The following SDK1 variants were observed in gnomAD, a reference collection of about 807,000 sequenced individuals.
The protein encoded by SDK1 is protein sidekick-1.
A neutral mutation model predicts 245.5 loss-of-function variants in SDK1; 157 were observed. That is an observed-to-expected ratio of 0.64 (90% CI 0.56 to 0.73). The LOEUF (loss-of-function observed/expected upper bound fraction) is 0.73, where lower values mean the gene tolerates loss of function less well. Among genes scored for constraint, SDK1 ranks in the 30% least tolerant of loss-of-function variants. The pLI is 0.00. For synonymous variants in SDK1, 1,647 were observed against 1,278.5 expected (o/e 1.29, Z -6.15); for missense variants, 3,583 against 3,002.3 (o/e 1.19, Z -4.52).
chr7:3,480,022 A>G (rs753142838), intron 1 of SDK1, among the ~76,000 whole-genome samples: 5 of 152,182 alleles, frequency 3.3e-5, no homozygotes, highest in African/African-American at 4.8e-5. Context: ...AAAGATGTCT[A>G]CATCCCAATC....
intron 14 of SDK1, among the ~76,000 whole-genome samples, chr7:4,007,358 C>G (rs1197989619): frequency 6.6e-6 from 1 of 152,016 alleles, no homozygotes; most frequent in Non-Finnish European, 1.5e-5. Flanking sequence ...AGAGGGGGAC[C>G]CAGGTAGCCC....
At chr7:3,453,962 C>T (rs900373469) in intron 1 of SDK1, among the ~76,000 whole-genome samples, 3 of 151,966 alleles carry the variant, frequency 2.0e-5, no homozygotes, top group Admixed American at 6.6e-5. Context: ...ATACAATGTA[C>T]GACTGGTTTT....
chr7:4,000,525 C>A (rs1453309251), intron 14 of SDK1, among the ~76,000 whole-genome samples: 1 of 152,096 alleles, frequency 6.6e-6, no homozygotes, highest in Non-Finnish European at 1.5e-5. Flanking sequence ...TTGGTTCTTC[C>A]CCTGCCACAG....
chr7:3,975,961 AGGGT>A (rs1782920755), intron 13 of SDK1, among the ~76,000 whole-genome samples: 1 of 128,988 alleles, frequency 7.8e-6, no homozygotes, highest in African/African-American at 2.9e-5. Context: ...TGCCACGCAG[AGGGT>A]CCTCCAGAGA....
chr7:4,079,320 C>G, intron 21 of SDK1, 143 bp from the exon 22 acceptor site: 1 of 1,057,480 alleles, frequency 9.5e-7, no homozygotes, highest in Non-Finnish European at 1.4e-6. Flanking sequence ...TGCTGCTTCT[C>G]ACCTTCATGG....
chr7:3,822,557 G>A (rs527480046), intron 5 of SDK1, among the ~76,000 whole-genome samples: 1 of 152,032 alleles, frequency 6.6e-6, no homozygotes, highest in African/African-American at 2.4e-5. Context: ...ATTACTTGAG[G>A]TCAAGAGTTC....
chr7:3,485,011 A>G (rs1781639044), intron 1 of SDK1, among the ~76,000 whole-genome samples: 1 of 152,160 alleles, frequency 6.6e-6, no homozygotes, highest in African/African-American at 2.4e-5. Context: ...TCTTTTGGGT[A>G]TATACCCAGC....
At chr7:4,241,059 T>C (rs552476881) in intron 42 of SDK1, among the ~76,000 whole-genome samples, 2 of 152,352 alleles carry the variant, frequency 1.3e-5, no homozygotes, top group South Asian at 4.1e-4. Flanking sequence ...AACTTTATTT[T>C]TATTCATTTG....
intron 4 of SDK1, among the ~76,000 whole-genome samples, chr7:3,644,026 C>A (rs1329020368): frequency 6.6e-6 from 1 of 151,250 alleles, no homozygotes; most frequent in Non-Finnish European, 1.5e-5. Flanking sequence ...CCTCAGCCTC[C>A]TGAGTAGCTG....
intron 18 of SDK1, among the ~76,000 whole-genome samples, chr7:4,050,288 T>C (rs1789352441): frequency 6.6e-6 from 1 of 152,234 alleles, no homozygotes; most frequent in Non-Finnish European, 1.5e-5. Context: ...ACTAAAACAC[T>C]GATTTGTCTG....
At chr7:3,607,946 G>T (rs1242606785) in intron 1 of SDK1, among the ~76,000 whole-genome samples, 2 of 152,244 alleles carry the variant, frequency 1.3e-5, no homozygotes, top group Non-Finnish European at 2.9e-5. Flanking sequence ...GAGCCCCTTT[G>T]CAGGGGGCGG....
intron 2 of SDK1, among the ~76,000 whole-genome samples, chr7:3,626,759 A>G (rs569210342): frequency 3.3e-5 from 5 of 152,260 alleles, no homozygotes; most frequent in African/African-American, 9.6e-5. Flanking sequence ...GAAGTTCACA[A>G]AGTGAGTAGG....
chr7:3,430,492 T>C (rs1342171075), intron 1 of SDK1, among the ~76,000 whole-genome samples: 3 of 152,188 alleles, frequency 2.0e-5, no homozygotes, highest in Non-Finnish European at 2.9e-5. Context: ...CTCTGTGACC[T>C]AGAGGTCACT....
chr7:3,616,932 A>T (rs1008365146), intron 1 of SDK1, among the ~76,000 whole-genome samples: 3 of 152,200 alleles, frequency 2.0e-5, no homozygotes, highest in African/African-American at 2.4e-5. Flanking sequence ...AATTTTCCGT[A>T]TTAAGGAAAT....
intron 4 of SDK1, among the ~76,000 whole-genome samples, chr7:3,806,279 C>G (rs1048267944): frequency 2.9e-5 from 4 of 139,096 alleles, no homozygotes; most frequent in Non-Finnish European, 6.5e-5. Context: ...TAACGTATCT[C>G]TAGGATGTGG....
chr7:3,305,354 G>A (rs1404872), intron 1 of SDK1, among the ~76,000 whole-genome samples: 23,157 of 152,010 alleles, frequency 0.15, 2,775 homozygotes, highest in African/African-American at 0.33. Context: ...TTTAATCCTC[G>A]TGTTGGTTAA....
At chr7:3,739,077 T>G (rs1040146107) in intron 4 of SDK1, among the ~76,000 whole-genome samples, 1 of 152,204 alleles carries the variant, frequency 6.6e-6, no homozygotes, top group African/African-American at 2.4e-5. Flanking sequence ...TAGCTAATCC[T>G]TGGTTGACTG....
At chr7:3,554,795 C>T (rs1326670937) in intron 1 of SDK1, among the ~76,000 whole-genome samples, 2 of 151,958 alleles carry the variant, frequency 1.3e-5, no homozygotes, top group African/African-American at 2.4e-5. Context: ...ATGCCAAAAA[C>T]AAACAATCTG....
chr7:4,015,939 A>G (rs1255829612), intron 16 of SDK1, among the ~76,000 whole-genome samples: 5 of 152,156 alleles, frequency 3.3e-5, no homozygotes, highest in Non-Finnish European at 7.4e-5. Context: ...TTTGTGAAGA[A>G]CCTTGTGTGA....
Sources: allele counts gnomAD v4.1 joint callset (sites outside exome capture counted in the v4.1 genomes callset), GRCh38; gene constraint gnomAD v4.1.1; transcripts MANE v1.5; gene names NCBI Gene and HGNC (gene_info 2026-07-23, HGNC 2026-07-21).